Variants in SPIDR observed in about 807,000 individuals in gnomAD.
SPIDR encodes scaffold protein involved in DNA repair.
In SPIDR, 93 loss-of-function variants were observed where a neutral mutation model predicts 104.6. The ratio of observed to expected loss-of-function variants is 0.89; its 90% CI spans 0.75 to 1.06. The LOEUF is 1.06. Among genes scored for constraint, SPIDR ranks in the 50% least tolerant of loss-of-function variants. SPIDR has a pLI of 0.00. For missense variants in SPIDR, 1,154 were observed against 1,111.2 expected (o/e 1.04, Z -0.55); for synonymous variants, 431 against 416.9 (o/e 1.03, Z -0.41).
chr8:47,360,009 G>A (rs536686724), intron 5 of SPIDR, among the ~76,000 whole-genome samples: 5 of 152,130 alleles, frequency 3.3e-5, no homozygotes, highest in South Asian at 4.2e-4. Flanking sequence ...TTGGGAGGCC[G>A]AGGCGGGCGG....
chr8:47,352,587 C>G lies in SPIDR; in HGVS notation c.526-43789C>G, dbSNP rs77095917. ...AAATGTTTGTGGTTTGGATCTTGTT[C>G]ACTCTGAACGCTTTAGGCCTTGTGT... On this transcript the variant is annotated intron_variant, in intron 5 of 19. Transcript: ENST00000297423. Among the ~76,000 whole-genome samples the G allele has an allele frequency of 5.4e-3, 822 of 152,230 alleles. 21 individuals carry two copies. The East Asian group carries it at 0.081, about 15-fold the overall frequency.
chr8:47,474,399 A>G (rs1246452167), intron 8 of SPIDR, among the ~76,000 whole-genome samples: 3 of 152,204 alleles, frequency 2.0e-5, no homozygotes, highest in African/African-American at 7.2e-5. Flanking sequence ...GAGAGATACA[A>G]TCTTGTGGGA....
rs548752746 is a variant in SPIDR, at chr8:47,580,388, C to T, written c.1098-15423C>T. ...GCCCTTGCACGTGGGAAGCTCTTCT[C>T]GGAACTCTGCATCAATTCATTAATT... On this transcript the variant is annotated intron_variant, in intron 8 of 19. Transcript: ENST00000297423. Among the ~76,000 whole-genome samples, 7 of 152,236 alleles carry T rather than the reference C, an allele frequency of 4.6e-5. No individual in the cohort carries two copies. In the South Asian group the frequency reaches 1.2e-3, roughly 27 times the overall value.
intron 5 of SPIDR, among the ~76,000 whole-genome samples, chr8:47,337,837 T>C (rs1362492474): frequency 5.9e-5 from 9 of 152,040 alleles, no homozygotes; most frequent in African/African-American, 1.9e-4. Flanking sequence ...TTAAGCAGAG[T>C]GTTCTTTTAG....
intron 8 of SPIDR, among the ~76,000 whole-genome samples, chr8:47,517,290 C>A (rs1459780418): frequency 6.6e-6 from 1 of 152,126 alleles, no homozygotes; most frequent in Non-Finnish European, 1.5e-5. Flanking sequence ...CTGGCAGATA[C>A]ACCTTTAAAT....
rs533782101 is a variant in SPIDR at position 47,728,304 on chromosome 8, A to C, written c.2436-629A>C. Among the ~76,000 whole-genome samples, 544 of 151,700 alleles carry C rather than the reference A, an allele frequency of 3.6e-3. 2 individuals are homozygous for C. Among genetic ancestry groups the C allele is most frequent in the African/African-American group, 0.012 (513 of 41,332 alleles). The stretch of plus-strand genomic sequence containing the variant: ...ACAAAAATTAGCCGGGCATGGTGGC[A>C]CACACCTGTAGTCCCAGCTACTCCA... On this transcript the variant is annotated intron_variant, in intron 17 of 19. Transcript: ENST00000297423.
intron 8 of SPIDR, among the ~76,000 whole-genome samples, chr8:47,480,785 G>C (rs1554726517): frequency 1.3e-5 from 2 of 152,178 alleles, no homozygotes; most frequent in African/African-American, 4.8e-5. Flanking sequence ...AAGGGTCTCA[G>C]CATCTATTCC....
chr8:47,496,880 T>G (rs1012932951), intron 8 of SPIDR, among the ~76,000 whole-genome samples: 1 of 152,066 alleles, frequency 6.6e-6, no homozygotes, highest in African/African-American at 2.4e-5. Context: ...ATTTCTTTAT[T>G]TGTAATAGAT....
chr8:47,311,906 TC>T (rs1753585709), intron 5 of SPIDR, among the ~76,000 whole-genome samples: 2 of 152,114 alleles, frequency 1.3e-5, no homozygotes, highest in Admixed American at 6.5e-5. Flanking sequence ...AGTGTGATGT[TC>T]CCCTTCCTGT....
At chr8:47,574,116 C>T (rs1035591163) in intron 8 of SPIDR, among the ~76,000 whole-genome samples, 1 of 152,112 alleles carries the variant, frequency 6.6e-6, no homozygotes, top group African/African-American at 2.4e-5. Flanking sequence ...TAAAGTTGGG[C>T]TTTATGATTT....
At chr8:47,501,218 A>G (rs2080369821) in intron 8 of SPIDR, among the ~76,000 whole-genome samples, 1 of 152,216 alleles carries the variant, frequency 6.6e-6, no homozygotes, top group Admixed American at 6.5e-5. Flanking sequence ...CATTGAATCT[A>G]TAAATTACCT....
chr8:47,579,766 A>G (rs918235883), intron 8 of SPIDR, among the ~76,000 whole-genome samples: 3 of 152,068 alleles, frequency 2.0e-5, no homozygotes, highest in African/African-American at 7.2e-5. Flanking sequence ...GCCCCATCTA[A>G]TCGTGTGCCT....
intron 5 of SPIDR, among the ~76,000 whole-genome samples, chr8:47,374,092 C>G (rs1323048554): frequency 2.0e-5 from 3 of 152,068 alleles, no homozygotes; most frequent in Non-Finnish European, 4.4e-5. Flanking sequence ...TCTTATTCAT[C>G]TGGAAAATTT....
chr8:47,505,488 C>G (rs922322855), intron 8 of SPIDR, among the ~76,000 whole-genome samples: 1 of 152,148 alleles, frequency 6.6e-6, no homozygotes, highest in South Asian at 2.1e-4. Context: ...ATTGGAAAAG[C>G]GCAGTATTAG....
intron 10 of SPIDR, among the ~76,000 whole-genome samples, chr8:47,618,926 A>G (rs774557492): frequency 2.6e-5 from 4 of 152,254 alleles, no homozygotes; most frequent in Non-Finnish European, 5.9e-5. Context: ...GTGTGTTACC[A>G]TTTGGTTAAA....
At chr8:47,586,020 G>C (rs977014790) in intron 8 of SPIDR, among the ~76,000 whole-genome samples, 1 of 152,054 alleles carries the variant, frequency 6.6e-6, no homozygotes, top group Non-Finnish European at 1.5e-5. Flanking sequence ...TTTTCACTTA[G>C]CATCATTCTC....
intron 5 of SPIDR, among the ~76,000 whole-genome samples, chr8:47,382,844 AC>A (rs2059477804): frequency 6.6e-6 from 1 of 152,210 alleles, no homozygotes; most frequent in Non-Finnish European, 1.5e-5. Flanking sequence ...CCTTTTATGC[AC>A]CACTTCCCCC....
chr8:47,288,592 C>T (rs932477802), intron 3 of SPIDR, among the ~76,000 whole-genome samples: 11 of 152,174 alleles, frequency 7.2e-5, no homozygotes, highest in Non-Finnish European at 1.0e-4. Context: ...TGATAACTTC[C>T]TTCTTGACTT....
At chr8:47,286,654 T>C (rs2038904071) in intron 3 of SPIDR, among the ~76,000 whole-genome samples, 1 of 152,132 alleles carries the variant, frequency 6.6e-6, no homozygotes, top group Non-Finnish European at 1.5e-5. Flanking sequence ...CTGTGGCTCA[T>C]GTCACAGACC....
Sources: gnomAD v4.1 joint callset for allele counts (sites outside exome capture counted in the v4.1 genomes callset) on GRCh38, gnomAD v4.1.1 for gene constraint, MANE v1.5 for transcripts, NCBI Gene and HGNC (gene_info 2026-07-23, HGNC 2026-07-21) for gene names.